AKT3: variants seen among roughly 807,000 people sequenced by gnomAD.
AKT3 encodes the protein RAC-gamma serine/threonine-protein kinase.
In AKT3, 15 loss-of-function variants were observed where a neutral mutation model predicts 65.3. That is an observed-to-expected ratio of 0.23 (90% CI 0.15 to 0.35). AKT3 has a LOEUF of 0.35. Among genes scored for constraint, AKT3 ranks in the 10% least tolerant of loss-of-function variants. The probability of loss-of-function intolerance (pLI) is 1.00; values close to 1 mark genes in which losing one functional copy is unlikely to be tolerated. For synonymous variants in AKT3, 206 were observed against 183.8 expected (o/e 1.12, Z -0.98); for missense variants, 243 against 576.5 (o/e 0.42, Z 5.92).
At chr1:243,538,225 T>C (rs532291975) in intron 12 of AKT3, among the ~76,000 whole-genome samples, 29 of 152,256 alleles carry the variant, frequency 1.9e-4, no homozygotes, top group East Asian at 7.7e-4. Flanking sequence ...TGTATGAGAA[T>C]TGGTTATGAC....
At chr1:243,828,718 G>A (rs771875275) in intron 2 of AKT3, among the ~76,000 whole-genome samples, 34 of 151,930 alleles carry the variant, frequency 2.2e-4, no homozygotes, top group Non-Finnish European at 3.8e-4. Flanking sequence ...TATGTTATCC[G>A]CGAGGCTTCC....
chr1:243,802,148 G>C (rs1434833464), intron 2 of AKT3, among the ~76,000 whole-genome samples: 33 of 152,094 alleles, frequency 2.2e-4, no homozygotes, highest in Admixed American at 2.2e-3. Context: ...CAAATGCCTG[G>C]TCAGAATTTT....
chr1:243,634,652 G>C (rs1452631606), intron 6 of AKT3, among the ~76,000 whole-genome samples: 1 of 151,544 alleles, frequency 6.6e-6, no homozygotes, highest in East Asian at 1.9e-4. Flanking sequence ...AGAGAAAAGG[G>C]GTGGCTATAT....
At chr1:243,671,759 T>G (rs1683169824) in intron 3 of AKT3, among the ~76,000 whole-genome samples, 1 of 152,062 alleles carries the variant, frequency 6.6e-6, no homozygotes, top group Non-Finnish European at 1.5e-5. Flanking sequence ...ACCTAAAAGG[T>G]GTTATTATCT....
At chr1:243,499,125 C>G (rs906755454), downstream of AKT3, among the ~76,000 whole-genome samples, 2 of 152,216 alleles carry the variant, frequency 1.3e-5, no homozygotes, top group African/African-American at 4.8e-5. Flanking sequence ...TCAATACTTT[C>G]TGAACTTGTG....
chr1:243,613,031 C>A (rs2148602066), intron 8 of AKT3: 1 of 127,910 alleles, frequency 7.8e-6, no homozygotes, highest in East Asian at 2.2e-4. Context: ...GAGCGAAACT[C>A]CATCTCAAAA....
chr1:243,558,893 T>C (rs1673585426), intron 10 of AKT3, among the ~76,000 whole-genome samples: 1 of 152,098 alleles, frequency 6.6e-6, no homozygotes, highest in Non-Finnish European at 1.5e-5. Context: ...TTAACACTTT[T>C]AATTTTGTTG....
chr1:243,609,029 G>C (rs1210629949), intron 8 of AKT3, among the ~76,000 whole-genome samples: 2 of 151,858 alleles, frequency 1.3e-5, no homozygotes, highest in African/African-American at 4.8e-5. Context: ...TGGGATTACA[G>C]GTGTGAGCCA....
At chr1:243,583,540 C>CAAAAAAAAAAAAAA (rs1294857854) in intron 8 of AKT3, among the ~76,000 whole-genome samples, 1 of 30,026 alleles carries the variant, frequency 3.3e-5, no homozygotes, top group African/African-American at 1.0e-4. Context: ...AAGTAAGTCT[C>CAAAAAAAAAAAAAA]AAAAAAAAAA....
At chr1:243,675,145 A>C (rs1468529087) in intron 3 of AKT3, among the ~76,000 whole-genome samples, 4 of 152,230 alleles carry the variant, frequency 2.6e-5, no homozygotes, top group Non-Finnish European at 5.9e-5. Flanking sequence ...TTATCAGTGC[A>C]TACATACCAC....
intron 6 of AKT3, among the ~76,000 whole-genome samples, chr1:243,625,569 T>C (rs910559374): frequency 1.3e-5 from 2 of 152,142 alleles, no homozygotes; most frequent in African/African-American, 4.8e-5. Flanking sequence ...TGGAAAATTA[T>C]GCTGAAAAAA....
chr1:243,746,336 TTC>T (rs1384585906), intron 2 of AKT3, among the ~76,000 whole-genome samples: 7 of 152,224 alleles, frequency 4.6e-5, no homozygotes, highest in African/African-American at 1.4e-4. Context: ...TTAAAATGTA[TTC>T]TGTCTTTACA....
intron 2 of AKT3, among the ~76,000 whole-genome samples, chr1:243,733,514 T>G: frequency 6.6e-6 from 1 of 152,070 alleles, no homozygotes; most frequent in East Asian, 1.9e-4. Context: ...ACAAAAACAA[T>G]ATTAAGTGAA....
intron 2 of AKT3, among the ~76,000 whole-genome samples, chr1:243,720,341 TG>T (rs1481378423): frequency 1.3e-5 from 2 of 148,452 alleles, no homozygotes; most frequent in Admixed American, 1.4e-4. Context: ...TGGTTAAAAA[TG>T]GTTAAAATGG....
At chr1:243,708,347 GA>G (rs1485540688) in intron 2 of AKT3, among the ~76,000 whole-genome samples, 1 of 151,906 alleles carries the variant, frequency 6.6e-6, no homozygotes, top group African/African-American at 2.4e-5. Flanking sequence ...AATATAAATA[GA>G]AAAGCTGCTT....
intron 2 of AKT3, among the ~76,000 whole-genome samples, chr1:243,700,629 G>A (rs562600374): frequency 2.0e-5 from 3 of 151,230 alleles, no homozygotes; most frequent in East Asian, 1.9e-4. Context: ...TCAGCCTCCC[G>A]AGTAGCTGGG....
intron 4 of AKT3, among the ~76,000 whole-genome samples, chr1:243,653,411 A>G (rs550774036): frequency 6.6e-6 from 1 of 152,352 alleles, no homozygotes; most frequent in Admixed American, 6.5e-5. Context: ...GAATTCTACC[A>G]GAGGTACAAA....
At chr1:243,837,658 T>C (rs970599698) in intron 2 of AKT3, among the ~76,000 whole-genome samples, 3 of 152,090 alleles carry the variant, frequency 2.0e-5, no homozygotes, top group Non-Finnish European at 1.5e-5. Context: ...ACCATTTCAA[T>C]AGAAGCAGTA....
chr1:243,793,954 T>C (rs901894344), intron 2 of AKT3, among the ~76,000 whole-genome samples: 4 of 152,216 alleles, frequency 2.6e-5, no homozygotes, highest in African/African-American at 7.2e-5. Context: ...TATGGTTACA[T>C]AGCAGAAAAA....
Sources: gnomAD v4.1 joint callset for allele counts (sites outside exome capture counted in the v4.1 genomes callset) on GRCh38, gnomAD v4.1.1 for gene constraint, MANE v1.5 for transcripts, NCBI Gene and HGNC (gene_info 2026-07-23, HGNC 2026-07-21) for gene names.